SH3GL3: variants seen among roughly 807,000 people sequenced by gnomAD.
The protein encoded by SH3GL3 is endophilin-A3.
Under a neutral mutation model 47.7 loss-of-function variants are expected in SH3GL3, and 33 were observed. That is an observed-to-expected ratio of 0.69 (90% confidence interval 0.52 to 0.92). SH3GL3 has a LOEUF of 0.92. Ranked by LOEUF, SH3GL3 falls within the 40% of genes least tolerant of loss-of-function variation. SH3GL3 has a pLI of 0.00. For missense variants in SH3GL3, 363 were observed against 417.8 expected, an observed-to-expected ratio of 0.87 and a Z score of 1.14; for synonymous variants, 155 against 148.8, an observed-to-expected ratio of 1.04 and a Z score of -0.30.
intron 8 of SH3GL3, among the ~76,000 whole-genome samples, chr15:83,607,979 G>A (rs184515797): frequency 1.8e-4 from 27 of 152,130 alleles, no homozygotes; most frequent in Non-Finnish European, 3.2e-4. Context: ...TAAATGGCCC[G>A]CAGGTTTTGA....
chr15:83,600,013 C>T (rs965051024), intron 8 of SH3GL3, among the ~76,000 whole-genome samples: 17 of 144,526 alleles, frequency 1.2e-4, no homozygotes, highest in Non-Finnish European at 2.1e-4. Flanking sequence ...CTATTCATGT[C>T]GTTAGCCCAC....
chr15:83,581,445 G>C (rs911889986), intron 6 of SH3GL3, among the ~76,000 whole-genome samples: 1 of 152,226 alleles, frequency 6.6e-6, no homozygotes, highest in Non-Finnish European at 1.5e-5. Flanking sequence ...GAAGTCCAGT[G>C]AGCTATTCCT....
At chr15:83,619,486 G>A (rs2060903773), downstream of SH3GL3, among the ~76,000 whole-genome samples, 1 of 152,118 alleles carries the variant, frequency 6.6e-6, no homozygotes, top group South Asian at 2.1e-4. Context: ...TAGGCGATGG[G>A]TTGGTAGGTG....
intron 1 of SH3GL3, among the ~76,000 whole-genome samples, chr15:83,485,796 C>T (rs9920887): frequency 0.17 from 26,430 of 152,102 alleles, 2,808 homozygotes; most frequent in South Asian, 0.45. Context: ...CATGCCTGGC[C>T]GGAAGTTTAC....
At chr15:83,618,043 T>A (rs770434540) in intron 8 of SH3GL3, 39 bp from the exon 9 acceptor site, 4 of 1,291,808 alleles carry the variant, frequency 3.1e-6, no homozygotes, top group Non-Finnish European at 4.5e-6. Context: ...TAATCCATCA[T>A]GTTCATCTGT....
At chr15:83,492,027 G>A (rs1242739970) in intron 1 of SH3GL3, among the ~76,000 whole-genome samples, 1 of 152,146 alleles carries the variant, frequency 6.6e-6, no homozygotes, top group Non-Finnish European at 1.5e-5. Flanking sequence ...GCTCACGCCT[G>A]TAACCCCAGC....
At chr15:83,524,481 T>A (rs73448418) in intron 1 of SH3GL3, among the ~76,000 whole-genome samples, 30 of 152,356 alleles carry the variant, frequency 2.0e-4, no homozygotes, top group African/African-American at 6.3e-4. Flanking sequence ...TTAGGGTATC[T>A]ATCGCCTTTG....
chr15:83,608,388 C>T (rs558917038), intron 8 of SH3GL3, among the ~76,000 whole-genome samples: 70 of 152,078 alleles, frequency 4.6e-4, no homozygotes, highest in Non-Finnish European at 9.1e-4. Flanking sequence ...CTGTCCAGTG[C>T]GCTCTTACCC....
At chr15:83,607,225 A>T (rs990462162) in intron 8 of SH3GL3, among the ~76,000 whole-genome samples, 1 of 152,224 alleles carries the variant, frequency 6.6e-6, no homozygotes, top group Non-Finnish European at 1.5e-5. Context: ...TTTGATCCAT[A>T]AGCTAAAATG....
chr15:83,578,080 A>G lies in SH3GL3; in HGVS notation c.624+1339A>G, dbSNP rs562182796. On this transcript the variant is annotated intron_variant, in intron 6 of 8. Coordinates refer to ENST00000427482, the MANE Select transcript of SH3GL3 (RefSeq NM_003027.5). ...CGGATCTTATCCCTCAGAAGTGCCA[A>G]TCTTCTATTGTACTGTGGTTCCTGC... is the stretch of plus-strand genomic sequence containing the variant. Among the ~76,000 whole-genome samples the G allele has an allele frequency of 7.9e-5, 12 of 152,274 alleles. No homozygotes were observed. In the East Asian group the frequency reaches 9.7e-4, roughly 12 times the overall value.
chr15:83,504,994 T>C (rs956536418), intron 1 of SH3GL3, among the ~76,000 whole-genome samples: 1 of 152,218 alleles, frequency 6.6e-6, no homozygotes, highest in Non-Finnish European at 1.5e-5. Flanking sequence ...ATTTTATACA[T>C]GTATTTTAAA....
intron 3 of SH3GL3, 56 bp from the exon 4 acceptor site, chr15:83,568,473 G>T: frequency 6.8e-7 from 1 of 1,472,940 alleles, no homozygotes; most frequent in South Asian, 1.2e-5. Flanking sequence ...TAAATTCTAT[G>T]TACCTGTCAC....
chr15:83,566,261 C>T (rs1371990864), intron 3 of SH3GL3, among the ~76,000 whole-genome samples: 1 of 152,056 alleles, frequency 6.6e-6, no homozygotes, highest in Non-Finnish European at 1.5e-5. Flanking sequence ...AAGAGGCAGC[C>T]CTAGCAACCT....
intron 1 of SH3GL3, among the ~76,000 whole-genome samples, chr15:83,490,171 C>T (rs558850276): frequency 2.6e-5 from 4 of 151,812 alleles, no homozygotes; most frequent in East Asian, 1.9e-4. Flanking sequence ...TAGGGGTCTC[C>T]GCTCTTGGCG....
At chr15:83,486,018 A>G (rs963189816) in intron 1 of SH3GL3, among the ~76,000 whole-genome samples, 5 of 152,190 alleles carry the variant, frequency 3.3e-5, no homozygotes, top group African/African-American at 4.8e-5. Context: ...ATACTTCAGT[A>G]TGCACATCTG....
chr15:83,502,957 A>G (rs1042966117), intron 1 of SH3GL3, among the ~76,000 whole-genome samples: 15 of 152,042 alleles, frequency 9.9e-5, no homozygotes, highest in South Asian at 2.1e-4. Flanking sequence ...CCTAACTTCT[A>G]TTTCCTTTAG....
chr15:83,541,591 G>A (rs1453291687), intron 1 of SH3GL3, among the ~76,000 whole-genome samples: 3 of 152,056 alleles, frequency 2.0e-5, no homozygotes, highest in Non-Finnish European at 4.4e-5. Context: ...TACCAAGGGT[G>A]TATGAGGGTT....
chr15:83,551,041 G>C (rs551324722), intron 1 of SH3GL3, among the ~76,000 whole-genome samples: 2 of 152,332 alleles, frequency 1.3e-5, no homozygotes, highest in African/African-American at 4.8e-5. Flanking sequence ...CGAGAAGGCA[G>C]CCAAGGCTGT....
At chr15:83,462,283 T>C (rs1482150914) in intron 1 of SH3GL3, among the ~76,000 whole-genome samples, 1 of 152,196 alleles carries the variant, frequency 6.6e-6, no homozygotes, top group Non-Finnish European at 1.5e-5. Context: ...GACATCATAA[T>C]GAGATTCTTA....
Sources: allele counts gnomAD v4.1 joint callset (sites outside exome capture counted in the v4.1 genomes callset), GRCh38; gene constraint gnomAD v4.1.1; transcripts MANE v1.5; gene names NCBI Gene and HGNC (gene_info 2026-07-23, HGNC 2026-07-21).